MTFR1: variants seen among roughly 807,000 people sequenced by gnomAD.
MTFR1 encodes the protein chondrocyte protein with a poly-proline region.
MTFR1 carries 28 observed loss-of-function variants against 38.8 expected under a neutral mutation model. That is an observed-to-expected ratio of 0.72 (90% CI 0.53 to 0.99). The LOEUF (loss-of-function observed/expected upper bound fraction) is 0.99, where lower values mean the gene tolerates loss of function less well. Among genes scored for constraint, MTFR1 ranks in the 50% least tolerant of loss-of-function variants. The pLI is 0.00. For missense variants in MTFR1, 358 were observed against 395.5 expected (o/e 0.91, Z 0.81); for synonymous variants, 145 against 137.0 (o/e 1.06, Z -0.41).
chr8:65,666,184 A>T (rs901197150), intron 1 of MTFR1, among the ~76,000 whole-genome samples: 1 of 152,236 alleles, frequency 6.6e-6, no homozygotes, highest in African/African-American at 2.4e-5. Flanking sequence ...AGGTGGGTGG[A>T]TCACCTGAGG....
chr8:65,644,164 A>T (rs1808886029), upstream of MTFR1, among the ~76,000 whole-genome samples: 2 of 152,218 alleles, frequency 1.3e-5, no homozygotes, highest in Non-Finnish European at 2.9e-5. Context: ...TAGAGTATTC[A>T]AATCTTTAGA....
chr8:65,675,345 C>T (rs1804682333), intron 2 of MTFR1, among the ~76,000 whole-genome samples: 1 of 151,540 alleles, frequency 6.6e-6, no homozygotes, highest in African/African-American at 2.4e-5. Flanking sequence ...CCTGTAATCC[C>T]AGCACTTTGG....
chr8:65,663,648 A>AT, intron 1 of MTFR1, among the ~76,000 whole-genome samples: 1 of 152,074 alleles, frequency 6.6e-6, no homozygotes, highest in Middle Eastern at 3.4e-3. Flanking sequence ...AGTACTAACA[A>AT]TACCAATTAT....
intron 4 of MTFR1, among the ~76,000 whole-genome samples, chr8:65,696,593 A>G (rs1805449847): frequency 6.6e-6 from 1 of 152,160 alleles, no homozygotes; most frequent in African/African-American, 2.4e-5. Context: ...AGCAACTACT[A>G]ATCTGTTCAT....
At chr8:65,668,013 C>A (rs1300833693) in intron 1 of MTFR1, among the ~76,000 whole-genome samples, 2 of 152,014 alleles carry the variant, frequency 1.3e-5, no homozygotes, top group Non-Finnish European at 2.9e-5. Context: ...TTTACTTTTT[C>A]TTCCTATTCT....
In MTFR1 at chr8:65,715,645, T is replaced by C. The variant is rs536465433; in HGVS notation, c.382-3735T>C. On this transcript the variant is annotated intron_variant, in intron 2 of 3. Coordinates refer to the MTFR1 transcript ENST00000521247. ...CACCCACCTCAGCCTCCCAAAGTGC[T>C]GGGATTACAGGTGTGAGCCACCATG... is the stretch of plus-strand genomic sequence containing the variant. Among the ~76,000 whole-genome samples the C allele has an allele frequency of 2.0e-5, 3 of 147,378 alleles. No homozygotes were observed. In the South Asian group the frequency reaches 6.7e-4, roughly 33 times the overall value.
chr8:65,755,178 G>A (rs1340040299), intron 3 of MTFR1, among the ~76,000 whole-genome samples: 4 of 151,210 alleles, frequency 2.6e-5, no homozygotes, highest in African/African-American at 4.9e-5. Context: ...ATGCCACCAC[G>A]CCCGGCTAAT....
chr8:65,677,678 C>A (rs1804754073), intron 2 of MTFR1, among the ~76,000 whole-genome samples: 1 of 151,622 alleles, frequency 6.6e-6, no homozygotes, highest in Non-Finnish European at 1.5e-5. Context: ...CCACGCCCAG[C>A]CAGCTATTTC....
intron 3 of MTFR1, among the ~76,000 whole-genome samples, chr8:65,762,525 T>C (rs2128915137): frequency 6.6e-6 from 1 of 152,310 alleles, no homozygotes; most frequent in Middle Eastern, 3.4e-3. Context: ...TTCTGTGACA[T>C]TAAACAGGTT....
intron 3 of MTFR1, among the ~76,000 whole-genome samples, chr8:65,752,251 A>G (rs1808004531): frequency 6.6e-6 from 1 of 152,160 alleles, no homozygotes; most frequent in African/African-American, 2.4e-5. Flanking sequence ...GCTTAGCTGT[A>G]GAAACTGAAT....
At chr8:65,694,942 G>A (rs1805392159) in intron 4 of MTFR1, among the ~76,000 whole-genome samples, 1 of 152,220 alleles carries the variant, frequency 6.6e-6, no homozygotes, top group Non-Finnish European at 1.5e-5. Flanking sequence ...AGAAAAGAAG[G>A]ATAAGCTGTG....
chr8:65,692,547 C>G (rs1203832109), intron 3 of MTFR1, among the ~76,000 whole-genome samples: 1 of 152,110 alleles, frequency 6.6e-6, no homozygotes, highest in Non-Finnish European at 1.5e-5. Flanking sequence ...ACCATGTTGG[C>G]CAAGCTGGTT....
In MTFR1 at chr8:65,676,595, C is replaced by G. The variant is rs553587411; in HGVS notation, c.67-5758C>G. The stretch of plus-strand genomic sequence containing the variant: ...GCCAGGCTGGTCTCGAACTCCTGAC[C>G]TCAAGTGATCCACCCTCTTCAGCCT... On this transcript the variant is annotated intron_variant, in intron 2 of 7. Transcript: ENST00000262146. Among the ~76,000 whole-genome samples, 141 of 152,254 alleles carry G rather than the reference C, an allele frequency of 9.3e-4. 1 individual carries two copies. Among genetic ancestry groups the G allele is most frequent in the African/African-American group, 3.2e-3 (134 of 41,534 alleles).
At chr8:65,771,905 A>AAG (rs1554564322), downstream of MTFR1, among the ~76,000 whole-genome samples, 60 of 145,456 alleles carry the variant, frequency 4.1e-4, no homozygotes, top group African/African-American at 1.6e-3. Flanking sequence ...AAAAAAAAAA[A>AAG]AAGAAGAAGA....
intron 1 of MTFR1, among the ~76,000 whole-genome samples, chr8:65,651,969 T>TC (rs1160414885): frequency 6.6e-6 from 1 of 152,038 alleles, no homozygotes; most frequent in Non-Finnish European, 1.5e-5. Flanking sequence ...TTTAATTTTT[T>TC]TTTTTTTCAG....
intron 1 of MTFR1, among the ~76,000 whole-genome samples, chr8:65,663,921 G>A (rs921593484): frequency 1.1e-4 from 16 of 147,840 alleles, no homozygotes; most frequent in African/African-American, 4.0e-4. Flanking sequence ...TCCGCCTCCT[G>A]GGCTCAGACG....
chr8:65,769,763 G>A (rs888765636), intron 3 of MTFR1, among the ~76,000 whole-genome samples: 4 of 152,182 alleles, frequency 2.6e-5, no homozygotes, highest in African/African-American at 9.6e-5. Context: ...GGGCATGGTA[G>A]TGATTGCCCG....
intron 4 of MTFR1, among the ~76,000 whole-genome samples, chr8:65,699,028 G>A (rs955539385): frequency 3.9e-5 from 6 of 152,186 alleles, no homozygotes; most frequent in Admixed American, 1.3e-4. Flanking sequence ...GCGCCCAGCC[G>A]TTCCCTTCTT....
chr8:65,736,909 G>T (rs770636347), intron 3 of MTFR1, among the ~76,000 whole-genome samples: 11 of 140,394 alleles, frequency 7.8e-5, no homozygotes, highest in South Asian at 4.8e-4. Context: ...TTGAGATGGA[G>T]TCTCGCCCTG....
Sources: gnomAD v4.1 joint callset for allele counts (sites outside exome capture counted in the v4.1 genomes callset) on GRCh38, gnomAD v4.1.1 for gene constraint, MANE v1.5 for transcripts, NCBI Gene and HGNC (gene_info 2026-07-23, HGNC 2026-07-21) for gene names.